Variants in RPS6KC1 observed in about 807,000 individuals in gnomAD.
RPS6KC1 encodes ribosomal protein S6 kinase C1.
In RPS6KC1, 54 loss-of-function variants were observed where a neutral mutation model predicts 103.8. The ratio of observed to expected loss-of-function variants is 0.52; its 90% CI spans 0.42 to 0.65. The LOEUF is 0.65. RPS6KC1 is among the 30% of genes least tolerant of loss of function. The pLI is 0.00. For missense variants in RPS6KC1, 1,151 were observed against 1,253.8 expected (o/e 0.92, Z 1.24); for synonymous variants, 439 against 438.7 (o/e 1.00, Z -0.01).
the RPS6KC1 span, chr1:213,820,337 C>G: frequency 6.6e-6 from 1 of 152,156 alleles, no homozygotes; most frequent in East Asian, 1.9e-4. Context: ...CTGGTTTCTC[C>G]TGGGAAAAAG....
the RPS6KC1 span, among the ~76,000 whole-genome samples, chr1:213,552,805 G>A: frequency 6.6e-6 from 1 of 152,000 alleles, no homozygotes; most frequent in Non-Finnish European, 1.5e-5. Flanking sequence ...ATCACTACTC[G>A]GAGGAAAGCA....
intron 12 of RPS6KC1, among the ~76,000 whole-genome samples, chr1:213,250,034 A>G (rs2094518481): frequency 6.6e-6 from 1 of 152,190 alleles, no homozygotes. Flanking sequence ...CCTAGCCTGA[A>G]CTAGCTGAGT....
the RPS6KC1 span, among the ~76,000 whole-genome samples, chr1:213,407,471 G>A: frequency 6.6e-6 from 1 of 152,190 alleles, no homozygotes; most frequent in Non-Finnish European, 1.5e-5. Context: ...ACCACAATTT[G>A]GAAGGGGCTT....
chr1:213,506,924 A>G, the RPS6KC1 span, among the ~76,000 whole-genome samples: 3 of 152,292 alleles, frequency 2.0e-5, no homozygotes, highest in African/African-American at 7.2e-5. Flanking sequence ...CCTGGAGTGG[A>G]AAGTGGCAAT....
chr1:213,813,045 G>T, the RPS6KC1 span, among the ~76,000 whole-genome samples: 1 of 152,218 alleles, frequency 6.6e-6, no homozygotes, highest in East Asian at 1.9e-4. Flanking sequence ...GAGGTCAAGA[G>T]ATCAAGACCT....
chr1:213,383,186 T>TC, the RPS6KC1 span, among the ~76,000 whole-genome samples: 6 of 148,362 alleles, frequency 4.0e-5, no homozygotes, highest in East Asian at 9.7e-4. Context: ...TACACTGAAA[T>TC]CCCCCCCTGA....
the RPS6KC1 span, among the ~76,000 whole-genome samples, chr1:213,758,981 G>C: frequency 6.6e-6 from 1 of 152,172 alleles, no homozygotes; most frequent in African/African-American, 2.4e-5. Flanking sequence ...CTCCAATTTT[G>C]ACAGAAGCTC....
chr1:213,763,718 T>TG, the RPS6KC1 span, among the ~76,000 whole-genome samples: 1 of 152,208 alleles, frequency 6.6e-6, no homozygotes, highest in Admixed American at 6.6e-5. Context: ...CTTAGCGAGT[T>TG]GAACTCTGCC....
At chr1:213,442,254 C>T in the RPS6KC1 span, among the ~76,000 whole-genome samples, 1 of 152,182 alleles carries the variant, frequency 6.6e-6, no homozygotes, top group African/African-American at 2.4e-5. Context: ...ACCCTCTGCT[C>T]CCATAACACC....
At chr1:213,271,042 T>A (rs2095035925) in intron 14 of RPS6KC1, among the ~76,000 whole-genome samples, 1 of 152,196 alleles carries the variant, frequency 6.6e-6, no homozygotes, top group Admixed American at 6.5e-5. Context: ...AAGTTAAACA[T>A]AAGCTCATTA....
the RPS6KC1 span, among the ~76,000 whole-genome samples, chr1:213,315,210 C>A: frequency 6.6e-6 from 1 of 152,220 alleles, no homozygotes; most frequent in Non-Finnish European, 1.5e-5. Context: ...CTTTCAACAT[C>A]ATGTGAGTTC....
the RPS6KC1 span, among the ~76,000 whole-genome samples, chr1:213,398,922 G>T: frequency 6.6e-6 from 1 of 152,082 alleles, no homozygotes; most frequent in East Asian, 1.9e-4. Context: ...AGGATGGCTT[G>T]CAAATCAATG....
chr1:213,598,105 A>G, the RPS6KC1 span, among the ~76,000 whole-genome samples: 1 of 152,340 alleles, frequency 6.6e-6, no homozygotes, highest in African/African-American at 2.4e-5. Flanking sequence ...AACTTGTAGA[A>G]ACACAATCTC....
At chr1:213,541,435 C>T in the RPS6KC1 span, among the ~76,000 whole-genome samples, 2 of 151,734 alleles carry the variant, frequency 1.3e-5, no homozygotes, top group Non-Finnish European at 2.9e-5. Context: ...ATACACTTGC[C>T]CAATGCAGGG....
intron 12 of RPS6KC1, among the ~76,000 whole-genome samples, chr1:213,250,042 AGT>A (rs1245617098): frequency 2.0e-5 from 3 of 152,190 alleles, no homozygotes; most frequent in African/African-American, 7.2e-5. Context: ...GAACTAGCTG[AGT>A]GTGGTCTGCA....
At chr1:213,549,085 G>A in the RPS6KC1 span, among the ~76,000 whole-genome samples, 1 of 152,118 alleles carries the variant, frequency 6.6e-6, no homozygotes, top group Non-Finnish European at 1.5e-5. Context: ...CCCCCAGTGG[G>A]AGTCCCCCAA....
chr1:213,838,901 T>G, the RPS6KC1 span, among the ~76,000 whole-genome samples: 1 of 152,228 alleles, frequency 6.6e-6, no homozygotes, highest in Non-Finnish European at 1.5e-5. Flanking sequence ...GATTAGATGC[T>G]TAAAGCAGAA....
At chr1:213,208,841 A>G (rs189319175) in intron 8 of RPS6KC1, among the ~76,000 whole-genome samples, 9 of 151,562 alleles carry the variant, frequency 5.9e-5, no homozygotes, top group African/African-American at 2.2e-4. Flanking sequence ...AAGGGTGGCT[A>G]TCTTGCTGGC....
At chr1:213,390,676 A>C in the RPS6KC1 span, among the ~76,000 whole-genome samples, 4 of 152,142 alleles carry the variant, frequency 2.6e-5, no homozygotes, top group African/African-American at 9.7e-5. Flanking sequence ...GCATCTACCC[A>C]TCTGGTTTCT....
Sources: allele counts gnomAD v4.1 joint callset (sites outside exome capture counted in the v4.1 genomes callset), GRCh38; gene constraint gnomAD v4.1.1; transcripts MANE v1.5; gene names NCBI Gene and HGNC (gene_info 2026-07-23, HGNC 2026-07-21).